The following MAPK10 variants were observed in gnomAD, a reference collection of about 807,000 sequenced individuals.
MAPK10 encodes mitogen-activated protein kinase 10.
A neutral mutation model predicts 59.3 loss-of-function variants in MAPK10; 25 were observed. That is an observed-to-expected ratio of 0.42 (90% confidence interval 0.31 to 0.59). MAPK10 has a LOEUF of 0.59. MAPK10 is among the 20% of genes least tolerant of loss of function. The pLI, the probability that MAPK10 is intolerant of heterozygous loss-of-function variation, is 0.15. For missense variants in MAPK10, 351 were observed against 568.9 expected (o/e 0.62, Z 3.90); for synonymous variants, 190 against 200.5 (o/e 0.95, Z 0.44).
At chr4:86,420,552 C>T (rs1579149974) in intron 1 of MAPK10, among the ~76,000 whole-genome samples, 1 of 152,228 alleles carries the variant, frequency 6.6e-6, no homozygotes, top group Middle Eastern at 3.4e-3. Context: ...TTTTGGGAGG[C>T]TGAGGCGAGT....
At chr4:86,337,024 C>T (rs900546859) in intron 2 of MAPK10, among the ~76,000 whole-genome samples, 12 of 152,014 alleles carry the variant, frequency 7.9e-5, no homozygotes, top group Non-Finnish European at 1.5e-4. Context: ...CTCCTGACCT[C>T]GTGATCCACC....
chr4:86,145,537 C>G (rs1238646564), intron 4 of MAPK10, among the ~76,000 whole-genome samples: 1 of 151,980 alleles, frequency 6.6e-6, no homozygotes, highest in African/African-American at 2.4e-5. Flanking sequence ...CTATATGTAC[C>G]ATCCTGCTTC....
At chr4:86,096,498 G>T (rs1433180399) in intron 9 of MAPK10, among the ~76,000 whole-genome samples, 1 of 151,876 alleles carries the variant, frequency 6.6e-6, no homozygotes, top group Non-Finnish European at 1.5e-5. Context: ...AGATCTCAGA[G>T]AACAACCTCG....
chr4:86,039,643 C>A (rs1327187140), intron 11 of MAPK10, among the ~76,000 whole-genome samples: 1 of 152,200 alleles, frequency 6.6e-6, no homozygotes, highest in African/African-American at 2.4e-5. Context: ...CCCCTATAAT[C>A]CTGGACATCA....
chr4:86,054,481 C>T (rs932918622), intron 11 of MAPK10, among the ~76,000 whole-genome samples: 7 of 152,286 alleles, frequency 4.6e-5, no homozygotes, highest in African/African-American at 1.7e-4. Flanking sequence ...TAGTAAACTG[C>T]TCATATTTTG....
In MAPK10 at chr4:86,132,888, G is replaced by C. The variant is rs117458548; in HGVS notation, c.237-25536C>G. Among the ~76,000 whole-genome samples, 849 of 152,248 alleles carry C rather than the reference G, an allele frequency of 5.6e-3. 21 individuals are homozygous for C. The East Asian group carries it at 0.077, about 14-fold the overall frequency. On this transcript the variant is annotated intron_variant, in intron 4 of 13. Coordinates refer to ENST00000641462, the MANE Select transcript of MAPK10 (RefSeq NM_138982.4). ...TCCCACTGATTCTACATTATGATGA[G>C]TTGTATTATTATGTCATTATATATT...
rs950283943 is a variant in MAPK10, at chr4:86,013,523, T to C, written c.*3705A>G. On this transcript the variant is annotated 3_prime_UTR_variant, in exon 14 of 14. Transcript: ENST00000641462. ...ATGTGGCTTTTCATATGTTAAGAGA[T>C]TCAAATCGAAATAGATTTTGTATAA... 2.0e-5 allele frequency: 3 copies of C among 152,254 alleles called. No homozygotes were observed. Among genetic ancestry groups the C allele is most frequent in the African/African-American group, 7.2e-5 (3 of 41,462 alleles). 9.4% of individuals were successfully genotyped at this position (152,254 alleles called of 1,614,324 possible).
chr4:86,339,075 A>G (rs1723312948), intron 2 of MAPK10, among the ~76,000 whole-genome samples: 1 of 152,192 alleles, frequency 6.6e-6, no homozygotes, highest in Admixed American at 6.6e-5. Context: ...GCCCTTAGGA[A>G]TCACACTCTG....
intron 2 of MAPK10, among the ~76,000 whole-genome samples, chr4:86,245,444 T>C (rs1037844979): frequency 2.6e-5 from 4 of 152,090 alleles, no homozygotes; most frequent in African/African-American, 7.2e-5. Flanking sequence ...CCTGAGTAGT[T>C]GGGACTACAG....
chr4:86,069,188 G>T (rs901768975), intron 9 of MAPK10, among the ~76,000 whole-genome samples: 1 of 152,014 alleles, frequency 6.6e-6, no homozygotes, highest in Non-Finnish European at 1.5e-5. Context: ...TCAACAAAAA[G>T]AAATATATAA....
intron 1 of MAPK10, among the ~76,000 whole-genome samples, chr4:86,539,196 G>A (rs1417600187): frequency 1.3e-5 from 2 of 152,082 alleles, no homozygotes; most frequent in South Asian, 2.1e-4. Context: ...TCTTCTAGCC[G>A]AGTTCCCTCA....
At chr4:86,449,363 G>A (rs532031101) in intron 1 of MAPK10, among the ~76,000 whole-genome samples, 3 of 152,210 alleles carry the variant, frequency 2.0e-5, no homozygotes, top group Non-Finnish European at 2.9e-5. Flanking sequence ...CATTTACCTC[G>A]CATTTATTTT....
At chr4:86,251,320 C>T (rs1015904716) in intron 2 of MAPK10, among the ~76,000 whole-genome samples, 3 of 151,986 alleles carry the variant, frequency 2.0e-5, no homozygotes, top group Non-Finnish European at 4.4e-5. Flanking sequence ...TGCTATCCCT[C>T]CCCCCTCCTC....
intron 2 of MAPK10, among the ~76,000 whole-genome samples, chr4:86,318,721 T>C (rs575488258): frequency 6.6e-6 from 1 of 152,270 alleles, no homozygotes; most frequent in East Asian, 1.9e-4. Context: ...ATCAAGTAAA[T>C]AGATCTAGCC....
intron 4 of MAPK10, 121 bp downstream of exon 4, chr4:86,159,177 A>T: frequency 1.4e-6 from 1 of 709,768 alleles, no homozygotes; most frequent in Non-Finnish European, 2.2e-6. Flanking sequence ...CTTCAGTAGG[A>T]TTATTTTTCC....
At chr4:86,544,548 C>T (rs1235610277) in intron 1 of MAPK10, among the ~76,000 whole-genome samples, 2 of 152,156 alleles carry the variant, frequency 1.3e-5, no homozygotes, top group Non-Finnish European at 2.9e-5. Context: ...CAAAGTGTCA[C>T]CTGTTTACAA....
chr4:86,552,349 A>G (rs1231919086), intron 1 of MAPK10, among the ~76,000 whole-genome samples: 2 of 151,528 alleles, frequency 1.3e-5, no homozygotes, highest in Non-Finnish European at 2.9e-5. Flanking sequence ...TGAGCCCAGG[A>G]GGTGCAGGCT....
intron 1 of MAPK10, among the ~76,000 whole-genome samples, chr4:86,561,100 T>C (rs572709577): frequency 6.6e-6 from 1 of 152,320 alleles, no homozygotes; most frequent in South Asian, 2.1e-4. Context: ...TGGATTCTCC[T>C]AAGGAGTGTA....
chr4:86,481,355 AC>A (rs2149071034), intron 1 of MAPK10, among the ~76,000 whole-genome samples: 2 of 151,642 alleles, frequency 1.3e-5, no homozygotes, highest in East Asian at 3.9e-4. Context: ...ATACTAAAGC[AC>A]CTTACTTTGG....
Sources: allele counts gnomAD v4.1 joint callset (sites outside exome capture counted in the v4.1 genomes callset), GRCh38; gene constraint gnomAD v4.1.1; transcripts MANE v1.5; gene names NCBI Gene and HGNC (gene_info 2026-07-23, HGNC 2026-07-21).